The following CDK6 variants were observed in gnomAD, a reference collection of about 807,000 sequenced individuals.
The protein encoded by CDK6 is cyclin dependent kinase 6.
Under a neutral mutation model 37.1 loss-of-function variants are expected in CDK6, and 6 were observed. That is an observed-to-expected ratio of 0.16 (90% CI 0.09 to 0.32). The LOEUF (loss-of-function observed/expected upper bound fraction) is 0.32. Ranked by LOEUF, CDK6 falls within the 10% of genes least tolerant of loss-of-function variation. The pLI is 1.00. For synonymous variants in CDK6, 160 were observed against 161.3 expected (o/e 0.99, Z 0.06); for missense variants, 224 against 418.9 (o/e 0.53, Z 4.06).
chr7:92,684,195 G>T (rs761483142), intron 4 of CDK6, among the ~76,000 whole-genome samples: 18 of 152,134 alleles, frequency 1.2e-4, no homozygotes, highest in Non-Finnish European at 2.1e-4. Flanking sequence ...GCAGAACCAG[G>T]ATCTGAAGCA....
chr7:92,733,757 C>A (rs548601993), intron 3 of CDK6, among the ~76,000 whole-genome samples: 4 of 152,028 alleles, frequency 2.6e-5, no homozygotes, highest in Admixed American at 6.6e-5. Context: ...GTTTAGAGTA[C>A]CTCTCTCCTT....
chr7:92,789,428 A>G (rs1322768519), intron 2 of CDK6, among the ~76,000 whole-genome samples: 1 of 152,234 alleles, frequency 6.6e-6, no homozygotes, highest in Non-Finnish European at 1.5e-5. Flanking sequence ...TTTAAAAAAC[A>G]AATGCATAGG....
intron 3 of CDK6, among the ~76,000 whole-genome samples, chr7:92,755,916 T>C (rs1043997005): frequency 2.6e-5 from 4 of 152,114 alleles, no homozygotes; most frequent in African/African-American, 9.7e-5. Context: ...CTTTCACTCT[T>C]TCTTGCACAT....
At chr7:92,740,982 C>A (rs377397881) in intron 3 of CDK6, among the ~76,000 whole-genome samples, 1 of 152,148 alleles carries the variant, frequency 6.6e-6, no homozygotes, top group Non-Finnish European at 1.5e-5. Context: ...AATTCAACTT[C>A]TAGGAATTCA....
At chr7:92,751,670 A>C (rs145896333) in intron 3 of CDK6, among the ~76,000 whole-genome samples, 47 of 152,326 alleles carry the variant, frequency 3.1e-4, no homozygotes, top group African/African-American at 1.1e-3. Flanking sequence ...ATATGCAGTG[A>C]TAAGAGTATA....
At chr7:92,722,842 C>T (rs1798399492) in intron 4 of CDK6, among the ~76,000 whole-genome samples, 1 of 152,184 alleles carries the variant, frequency 6.6e-6, no homozygotes. Context: ...CTTCGAGGAA[C>T]TTATGGCCTG....
At chr7:92,639,817 T>C (rs957112862) in intron 5 of CDK6, among the ~76,000 whole-genome samples, 7 of 152,316 alleles carry the variant, frequency 4.6e-5, no homozygotes, top group African/African-American at 1.7e-4. Context: ...TAACAGTCAT[T>C]TCCAACCACA....
At chr7:92,695,960 C>G (rs1797709109) in intron 4 of CDK6, among the ~76,000 whole-genome samples, 1 of 152,218 alleles carries the variant, frequency 6.6e-6, no homozygotes, top group African/African-American at 2.4e-5. Context: ...GTTGGAGCAG[C>G]TCAGAAACAC....
intron 4 of CDK6, among the ~76,000 whole-genome samples, chr7:92,689,233 C>T (rs1256006298): frequency 6.6e-6 from 1 of 152,064 alleles, no homozygotes; most frequent in Non-Finnish European, 1.5e-5. Context: ...TTTTCCTGAT[C>T]CTTTCCTTCT....
At chr7:92,769,400 A>AGCTCAAAGAACCCT (rs1799657499) in intron 3 of CDK6, among the ~76,000 whole-genome samples, 1 of 152,190 alleles carries the variant, frequency 6.6e-6, no homozygotes, top group Non-Finnish European at 1.5e-5. Context: ...TATGGTCTTG[A>AGCTCAAAGAACCCT]GCTCAAAGAA....
At chr7:92,688,581 TCACACACACACACACACA>T (rs35953301) in intron 4 of CDK6, among the ~76,000 whole-genome samples, 117 of 127,574 alleles carry the variant, frequency 9.2e-4, no homozygotes, top group South Asian at 1.4e-3. Flanking sequence ...TACATATACA[TCACACACACACACACACA>T]CACACACACA....
At chr7:92,638,786 G>A (rs1298253282) in intron 5 of CDK6, among the ~76,000 whole-genome samples, 1 of 152,128 alleles carries the variant, frequency 6.6e-6, no homozygotes, top group African/African-American at 2.4e-5. Flanking sequence ...CCCCCCCAGA[G>A]TTAAACATTG....
At chr7:92,734,383 A>G (rs1045032207) in intron 3 of CDK6, among the ~76,000 whole-genome samples, 7 of 152,166 alleles carry the variant, frequency 4.6e-5, no homozygotes, top group African/African-American at 1.7e-4. Flanking sequence ...ATCCTATCAG[A>G]TAATTCTCCT....
intron 7 of CDK6, among the ~76,000 whole-genome samples, chr7:92,616,862 T>C (rs1048958165): frequency 6.6e-6 from 1 of 152,214 alleles, no homozygotes; most frequent in African/African-American, 2.4e-5. Flanking sequence ...GAATCTCACG[T>C]TGGAAGTCTT....
chr7:92,831,273 G>A (rs746648250), intron 2 of CDK6, among the ~76,000 whole-genome samples: 2 of 152,218 alleles, frequency 1.3e-5, no homozygotes, highest in Non-Finnish European at 2.9e-5. Context: ...GGCAGAAAGT[G>A]TGCCTCTGGT....
intron 4 of CDK6, among the ~76,000 whole-genome samples, chr7:92,702,217 A>ATTTTTTTTTTTT (rs1562940434): frequency 2.0e-5 from 1 of 49,866 alleles, no homozygotes; most frequent in African/African-American, 6.9e-5. Context: ...TATCAAGTAT[A>ATTTTTTTTTTTT]TTCTTTTTTT....
intron 3 of CDK6, among the ~76,000 whole-genome samples, chr7:92,731,777 T>C (rs914729098): frequency 6.6e-6 from 1 of 152,118 alleles, no homozygotes; most frequent in African/African-American, 2.4e-5. Context: ...TAATAAGTCA[T>C]TTCCACCAAG....
intron 3 of CDK6, among the ~76,000 whole-genome samples, chr7:92,753,046 C>T (rs556319478): frequency 1.3e-5 from 2 of 152,188 alleles, no homozygotes; most frequent in East Asian, 3.9e-4. Flanking sequence ...AAGAAACAAC[C>T]TACTTTATGG....
chr7:92,811,519 T>A (rs1215325154), intron 2 of CDK6, among the ~76,000 whole-genome samples: 1 of 151,774 alleles, frequency 6.6e-6, no homozygotes, highest in Non-Finnish European at 1.5e-5. Context: ...GAAATAATTA[T>A]AGCACTTGAA....
Sources: gnomAD v4.1 joint callset for allele counts (sites outside exome capture counted in the v4.1 genomes callset) on GRCh38, gnomAD v4.1.1 for gene constraint, MANE v1.5 for transcripts, NCBI Gene and HGNC (gene_info 2026-07-23, HGNC 2026-07-21) for gene names.